GPC5: variants seen among roughly 807,000 people sequenced by gnomAD.
GPC5 encodes glypican 5, also known as glypican-5.
In GPC5, 47 loss-of-function variants were observed where a neutral mutation model predicts 53.9. That is an observed-to-expected ratio of 0.87 (90% CI 0.69 to 1.11). The LOEUF (loss-of-function observed/expected upper bound fraction) is 1.11. Among genes scored for constraint, GPC5 ranks in the 50% most tolerant of loss-of-function variants. The pLI is 0.00. For missense variants in GPC5, 748 were observed against 713.1 expected, an observed-to-expected ratio of 1.05 and a Z score of -0.56; for synonymous variants, 286 against 263.3, an observed-to-expected ratio of 1.09 and a Z score of -0.84.
chr13:92,127,277 G>GTA (rs952624067), intron 6 of GPC5, among the ~76,000 whole-genome samples: 48 of 151,208 alleles, frequency 3.2e-4, no homozygotes, highest in Middle Eastern at 3.4e-3. Flanking sequence ...ATATATATGT[G>GTA]TATATATATA....
At chr13:92,239,205 T>C (rs1411755) in intron 7 of GPC5, among the ~76,000 whole-genome samples, 84,790 of 150,804 alleles carry the variant, frequency 0.56, 24,107 homozygotes, top group South Asian at 0.65. Context: ...CTTGAATTTC[T>C]GTATGACTTT....
intron 7 of GPC5, among the ~76,000 whole-genome samples, chr13:92,460,629 A>T (rs1490416552): frequency 6.6e-6 from 1 of 152,128 alleles, no homozygotes. Context: ...TGTGTGACTC[A>T]CTCTACAAAT....
intron 1 of GPC5, among the ~76,000 whole-genome samples, chr13:91,407,689 G>C (rs1050471962): frequency 6.6e-6 from 1 of 152,102 alleles, no homozygotes; most frequent in African/African-American, 2.4e-5. Context: ...TACATCACTC[G>C]TCTGTGGAAC....
At chr13:92,145,622 A>G (rs1038284620) in intron 7 of GPC5, among the ~76,000 whole-genome samples, 1 of 152,216 alleles carries the variant, frequency 6.6e-6, no homozygotes, top group Non-Finnish European at 1.5e-5. Context: ...ATTATCACAT[A>G]CAAGATAAGG....
At chr13:92,081,706 A>AT (rs1321458196) in intron 6 of GPC5, among the ~76,000 whole-genome samples, 1 of 152,228 alleles carries the variant, frequency 6.6e-6, no homozygotes, top group Non-Finnish European at 1.5e-5. Context: ...CCTTTGTTCC[A>AT]TATACCAAAG....
intron 5 of GPC5, among the ~76,000 whole-genome samples, chr13:91,794,563 G>A (rs1325658639): frequency 6.6e-6 from 1 of 152,184 alleles, no homozygotes; most frequent in Non-Finnish European, 1.5e-5. Flanking sequence ...GGCTGCTAAG[G>A]AATTTTAGGA....
chr13:92,827,939 A>G (rs1877908263), intron 7 of GPC5, among the ~76,000 whole-genome samples: 1 of 152,146 alleles, frequency 6.6e-6, no homozygotes, highest in Non-Finnish European at 1.5e-5. Context: ...CACATGAGAC[A>G]CTGAGGGAGC....
intron 5 of GPC5, among the ~76,000 whole-genome samples, chr13:91,833,969 T>C (rs1439989532): frequency 6.6e-6 from 1 of 152,148 alleles, no homozygotes; most frequent in Non-Finnish European, 1.5e-5. Flanking sequence ...TGTTTGCAGA[T>C]GTCATGAGTG....
intron 2 of GPC5, among the ~76,000 whole-genome samples, chr13:91,528,420 A>T (rs895702526): frequency 2.0e-5 from 3 of 152,156 alleles, no homozygotes; most frequent in Admixed American, 6.5e-5. Context: ...CTTTGCTCCA[A>T]TTCTCAATAA....
intron 6 of GPC5, among the ~76,000 whole-genome samples, chr13:92,051,959 C>A (rs1057126525): frequency 2.6e-5 from 4 of 152,134 alleles, no homozygotes; most frequent in Non-Finnish European, 4.4e-5. Flanking sequence ...TAGTTCCAAA[C>A]CTAGTGAGAG....
In GPC5 at chr13:92,334,282, G is replaced by C. The variant is rs568286735; in HGVS notation, c.1561+189293G>C. On this transcript the variant is annotated intron_variant, in intron 7 of 7. Transcript: ENST00000377067. Reference sequence around the variant, plus strand: ...TACATGGCAGCAGGCAAGAGAGCATGCTCAGGGAGACTGCCCCTTTATAAA... The same window carrying C: ...TACATGGCAGCAGGCAAGAGAGCATCCTCAGGGAGACTGCCCCTTTATAAA... 2.8e-4 allele frequency among the ~76,000 whole-genome samples: 43 copies of C among 152,262 alleles called. 1 individual carries two copies. The highest frequency in any genetic ancestry group is 1.0e-3 in the African/African-American group (42 of 41,566).
intron 5 of GPC5, among the ~76,000 whole-genome samples, chr13:91,779,506 A>G (rs1166292257): frequency 2.8e-4 from 43 of 152,000 alleles, no homozygotes; most frequent in Non-Finnish European, 5.9e-4. Flanking sequence ...GATAATAGGC[A>G]CATACCACCA....
chr13:91,865,835 TG>T (rs1232387542), intron 5 of GPC5, among the ~76,000 whole-genome samples: 1 of 152,142 alleles, frequency 6.6e-6, no homozygotes, highest in African/African-American at 2.4e-5. Flanking sequence ...ACTACTTAGA[TG>T]TCACATCAAT....
At chr13:92,620,658 T>C (rs1032649961) in intron 7 of GPC5, among the ~76,000 whole-genome samples, 1 of 152,136 alleles carries the variant, frequency 6.6e-6, no homozygotes, top group Non-Finnish European at 1.5e-5. Context: ...GAATTACCAG[T>C]GTCAGTAGTT....
Position 91,748,909 on chromosome 13 carries a change from C to T in GPC5, c.1155-7386C>T, listed in dbSNP as rs572770935. On this transcript the variant is annotated intron_variant, in intron 4 of 7. Coordinates refer to ENST00000377067, the MANE Select transcript of GPC5 (RefSeq NM_004466.6). ...AAATATTGAGTTGTTTTATGCAATG[C>T]GTGTATAGGTGTGTGGGCTTTGGCT... Among the ~76,000 whole-genome samples, 15 of 151,716 alleles carry T rather than the reference C, an allele frequency of 9.9e-5. No homozygotes were observed. The South Asian group carries it at 1.7e-3, about 17-fold the overall frequency.
intron 2 of GPC5, among the ~76,000 whole-genome samples, chr13:91,568,641 T>C (rs1350311719): frequency 6.6e-6 from 1 of 152,036 alleles, no homozygotes; most frequent in Non-Finnish European, 1.5e-5. Context: ...TATTTTGTCT[T>C]TAAAATTGTC....
chr13:92,229,600 A>AG (rs2042515118), intron 7 of GPC5, among the ~76,000 whole-genome samples: 1 of 152,152 alleles, frequency 6.6e-6, no homozygotes, highest in African/African-American at 2.4e-5. Flanking sequence ...AAATAATTTC[A>AG]GAGAATGTTG....
chr13:92,186,413 A>T (rs549452268), intron 7 of GPC5, among the ~76,000 whole-genome samples: 2 of 151,962 alleles, frequency 1.3e-5, no homozygotes, highest in African/African-American at 4.8e-5. Flanking sequence ...TATGTGTAAT[A>T]TAATATTTGT....
chr13:91,727,164 A>G (rs1441286834), intron 3 of GPC5, among the ~76,000 whole-genome samples: 1 of 152,208 alleles, frequency 6.6e-6, no homozygotes, highest in Non-Finnish European at 1.5e-5. Flanking sequence ...CCTTATTCAG[A>G]TTTGTATCTC....
Sources: gnomAD v4.1 joint callset for allele counts (sites outside exome capture counted in the v4.1 genomes callset) on GRCh38, gnomAD v4.1.1 for gene constraint, MANE v1.5 for transcripts, NCBI Gene and HGNC (gene_info 2026-07-23, HGNC 2026-07-21) for gene names.